Variants in FCHSD1 observed in about 807,000 individuals in gnomAD.
FCHSD1 encodes the protein F-BAR and double SH3 domains protein 1.
Under a neutral mutation model 101.3 loss-of-function variants are expected in FCHSD1, and 109 were observed. That is an observed-to-expected ratio of 1.08 (90% confidence interval 0.92 to 1.26). FCHSD1 has a LOEUF of 1.26. FCHSD1 is among the 50% of genes most tolerant of loss of function. FCHSD1 has a pLI of 0.00. For synonymous variants in FCHSD1, 291 were observed against 356.8 expected, an observed-to-expected ratio of 0.82 and a Z score of 2.08; for missense variants, 820 against 895.8, an observed-to-expected ratio of 0.92 and a Z score of 1.08.
chr5:141,646,394 A>C (rs2099907656), intron 11 of FCHSD1: 1 of 962,106 alleles, frequency 1.0e-6, no homozygotes, highest in East Asian at 2.6e-5. Flanking sequence ...GGGGCTACAG[A>C]ACTAGGAAGC....
chr5:141,651,299 C>A (rs1438384312), intron 1 of FCHSD1, 49 bp downstream of exon 1: 2 of 1,551,656 alleles, frequency 1.3e-6, no homozygotes, highest in South Asian at 2.4e-5. Flanking sequence ...CCCTTAGCTC[C>A]CTCCGTTCCC....
chr5:141,650,029 T>A, intron 3 of FCHSD1, 75 bp from the exon 4 acceptor site: 1 of 1,411,074 alleles, frequency 7.1e-7, no homozygotes, highest in South Asian at 1.4e-5. Context: ...GACATCAGAG[T>A]ATAATCATAC....
rs1211788738 is a variant in FCHSD1 at position 141,646,679 on chromosome 5, C to G, written c.968G>C (p.Ser323Thr). The change falls in exon 11 of 20, where the codon AGT becomes ACT. Residue 323 changes from serine (S) to threonine (T), a missense_variant. Ser to Thr is a moderately conservative substitution (Grantham distance 58, BLOSUM62 1). Coordinates refer to ENST00000435817, the MANE Select transcript of FCHSD1 (RefSeq NM_033449.3). The stretch of plus-strand genomic sequence containing the variant: ...GCGCTGAACCTCTTTCTCCAGGCCA[C>G]TCTTGCCAGCCACGCCTTCTGCTCC... Reference protein sequence around the residue: ...EWGAEGVAGKSGLEKEVQRLT... With the variant: ...EWGAEGVAGKTGLEKEVQRLT... 1.9e-6 allele frequency: 3 copies of G among 1,613,228 alleles called. No homozygotes were observed. The highest frequency in any genetic ancestry group is 1.3e-5 in the African/African-American group (1 of 74,902).
chr5:141,640,166 T>C lies in FCHSD1; in HGVS notation c.*1332A>G. ...TCAGGGACAGCAGCCTAACCCCTCGTGCACTTGAAGGGAACCCCAGAGCTT... is the reference window on the plus strand; with the variant it reads ...TCAGGGACAGCAGCCTAACCCCTCGCGCACTTGAAGGGAACCCCAGAGCTT... On this transcript the variant is annotated 3_prime_UTR_variant, in exon 20 of 20. Coordinates refer to ENST00000435817, the MANE Select transcript of FCHSD1 (RefSeq NM_033449.3). 1 of 1,614,100 alleles carries C rather than the reference T, an allele frequency of 6.2e-7. No individual in the cohort carries two copies. The highest frequency in any genetic ancestry group is 8.5e-7 in the Non-Finnish European group (1 of 1,179,974).
chr5:141,643,820 C>T lies in FCHSD1; in HGVS notation c.1863+398G>A, dbSNP rs536211348. ...CTGAGATCGCACCATTGCACTCCAGCCTGGGCAACAAGAGCGAAACTCTGT... is the reference window on the plus strand; with the variant it reads ...CTGAGATCGCACCATTGCACTCCAGTCTGGGCAACAAGAGCGAAACTCTGT... On this transcript the variant is annotated intron_variant, in intron 17 of 19. Coordinates refer to ENST00000435817, the MANE Select transcript of FCHSD1 (RefSeq NM_033449.3). Among the ~76,000 whole-genome samples, 3 of 151,286 alleles carry T rather than the reference C, an allele frequency of 2.0e-5. No individual in the cohort carries two copies. In the South Asian group the frequency reaches 6.2e-4, roughly 32 times the overall value.
At position 141,648,993 on chromosome 5, in the gene FCHSD1, G is replaced by A. The variant is rs780978587; in HGVS notation, c.540C>T (p.Phe180=). The change falls in exon 7 of 20, where the codon TTC becomes TTT. Residue 180 remains phenylalanine (F), a synonymous_variant. Transcript: ENST00000435817. ...ARLNRSDHGI[F]HSRTSLQKLS... is the part of the protein sequence containing the mutation. ...GTTTCTGGAGACTGGTCCGAGAGTGGAAGATCCCATGGTCACTTCGGTTTA... is the reference window on the plus strand; with the variant it reads ...GTTTCTGGAGACTGGTCCGAGAGTGAAAGATCCCATGGTCACTTCGGTTTA... 6 of 1,613,956 alleles carry A rather than the reference G, an allele frequency of 3.7e-6. No homozygotes were observed. Among genetic ancestry groups the A allele is most frequent in the Non-Finnish European group, 3.4e-6 (4 of 1,179,878 alleles).
chr5:141,645,686 T>C, intron 13 of FCHSD1, 85 bp downstream of exon 13: 9 of 1,447,932 alleles, frequency 6.2e-6, no homozygotes, highest in Non-Finnish European at 8.3e-6. Flanking sequence ...TAGGCACAAC[T>C]GTGATTCCAG....
In FCHSD1 at chr5:141,643,056, G is replaced by A. The variant is rs1259819347; in HGVS notation, c.1896C>T (p.Ser632=). 2.0e-6 allele frequency: 3 copies of A among 1,530,728 alleles called. No individual in the cohort carries two copies. The highest frequency in any genetic ancestry group is 1.4e-5 in the African/African-American group (1 of 70,706). The allele number at this position is 1,530,728 out of a possible 1,614,324, so 94.8% of individuals were successfully genotyped here. The change falls in exon 18 of 20, where the codon TCC becomes TCT. Residue 632 remains serine (S), a synonymous_variant. Transcript: ENST00000435817. The part of the protein sequence containing the change: ...MLPSPSPPSF[S]PPAPTSVLDG... ...CCAACACAGAGGTAGGTGCAGGTGG[G>A]GAGAAGCTGGGAGGAGAAGGGGACG...
chr5:141,649,449 G>C lies in FCHSD1; in HGVS notation c.321C>G (p.Tyr107Ter). 2.5e-6 allele frequency: 4 copies of C among 1,614,010 alleles called. No individual in the cohort carries two copies. Among genetic ancestry groups the C allele is most frequent in the Non-Finnish European group, 3.4e-6 (4 of 1,179,898 alleles). The part of the protein sequence containing the change: ...GQTRLQASDR[Y>*]RDLAGGTGRS... ...GCCCTGTACCCCCTGCTAGGTCACG[G>C]TATCGGTCAGACGCCTGGAGTCGGG... The change falls in exon 5 of 20, where the codon TAC becomes TAG. Residue 107 changes from tyrosine (Y) to a stop codon, truncating the protein, a stop_gained. Coordinates refer to ENST00000435817, the MANE Select transcript of FCHSD1 (RefSeq NM_033449.3). LOFTEE classifies it high-confidence loss of function. This position sits in a 1 kb window ranked among gnomAD's most constrained non-coding sequence, Gnocchi z 4.1.
chr5:141,647,895 G>A (rs3763121), intron 8 of FCHSD1, 73 bp downstream of exon 8: 352,691 of 1,560,066 alleles, frequency 0.23, 41,785 homozygotes, highest in Admixed American at 0.38. Flanking sequence ...CACTGTCATG[G>A]GGATCAAGAA....
At position 141,641,387 on chromosome 5, in the gene FCHSD1, A is replaced by G. The variant is rs2099906885; in HGVS notation, c.*111T>C. The stretch of plus-strand genomic sequence containing the variant: ...TCCACCCTTGGAGGTGAGGGTGGAA[A>G]TAAGGGCGATTCCAGCTTTTGGCTG... On this transcript the variant is annotated 3_prime_UTR_variant, in exon 20 of 20. Transcript: ENST00000435817. 1.9e-6 allele frequency: 2 copies of G among 1,043,088 alleles called. No individual in the cohort carries two copies. Among genetic ancestry groups the G allele is most frequent in the African/African-American group, 3.2e-5 (2 of 62,248 alleles). The allele number at this position is 1,043,088 out of a possible 1,614,324, so 64.6% of individuals were successfully genotyped here.
chr5:141,640,774 C>A lies in FCHSD1; in HGVS notation c.*724G>T. On this transcript the variant is annotated 3_prime_UTR_variant, in exon 20 of 20. Coordinates refer to ENST00000435817, the MANE Select transcript of FCHSD1 (RefSeq NM_033449.3). ...ACAGCACTGCCCCCCAGCTGAGGGACCAGCTCTACTTCCACCTGGAGTTGC... is the reference window on the plus strand; with the variant it reads ...ACAGCACTGCCCCCCAGCTGAGGGAACAGCTCTACTTCCACCTGGAGTTGC... The A allele has an allele frequency of 9.0e-7, 1 of 1,110,690 alleles. No individual in the cohort carries two copies. Among genetic ancestry groups the A allele is most frequent in the Non-Finnish European group, 1.3e-6 (1 of 787,772 alleles). The allele number at this position is 1,110,690 out of a possible 1,614,324, so 68.8% of individuals were successfully genotyped here.
Position 141,651,409 on chromosome 5 carries a change from T to A in FCHSD1, c.-41A>T, listed in dbSNP as rs2099908405. On this transcript the variant is annotated 5_prime_UTR_variant, in exon 1 of 20. Transcript: ENST00000435817. ...GCGGTCAGCCACTGGACTCCGGAAC[T>A]GGAGGAAGCCCCGCCCACTATGGAG... is the stretch of plus-strand genomic sequence containing the variant. 1 of 1,550,074 alleles carries A rather than the reference T, an allele frequency of 6.5e-7. No individual in the cohort carries two copies.
intron 10 of FCHSD1, 86 bp from the exon 11 acceptor site, chr5:141,646,808 C>A: frequency 6.6e-7 from 1 of 1,521,114 alleles, no homozygotes; most frequent in East Asian, 2.4e-5. Context: ...ATCTTGACCT[C>A]CAAGGACAAG....
At chr5:141,645,269 A>C in intron 13 of FCHSD1, 121 bp from the exon 14 acceptor site, 1 of 1,379,102 alleles carries the variant, frequency 7.3e-7, no homozygotes, top group Non-Finnish European at 9.8e-7. Flanking sequence ...GCACCCATCC[A>C]CTCACCATGT....
rs199688158 is a variant in FCHSD1, at chr5:141,649,611, T to C, written c.234-75A>G. ...GAGACCACCCCCACCCCCTGCCCCC[T>C]GACCAACACCATGGGAGACAGAGTG... On this transcript the variant is annotated intron_variant, in intron 4 of 19. Transcript: ENST00000435817. The surrounding 1 kb of genome is among the most constrained non-coding windows in gnomAD (Gnocchi z 4.1). 4.2e-5 allele frequency: 48 copies of C among 1,148,702 alleles called. No homozygotes were observed. Among genetic ancestry groups the C allele is most frequent in the East Asian group, 1.3e-4 (4 of 29,910 alleles). 71.2% of individuals were successfully genotyped at this position (1,148,702 alleles called of 1,614,324 possible).
rs748927477 is a variant in FCHSD1, at chr5:141,645,166, A to T, written c.1312-18T>A. ...TCCTCAGCCTAGAGGGGCAAAGAACAGACCTCATATGGGGCCCACTCTCAA... is the reference window on the plus strand; with the variant it reads ...TCCTCAGCCTAGAGGGGCAAAGAACTGACCTCATATGGGGCCCACTCTCAA... On this transcript the variant is annotated intron_variant, in intron 13 of 19. Coordinates refer to ENST00000435817, the MANE Select transcript of FCHSD1 (RefSeq NM_033449.3). 1 of 1,526,262 alleles carries T rather than the reference A, an allele frequency of 6.6e-7. No individual in the cohort carries two copies. Among genetic ancestry groups the T allele is most frequent in the South Asian group, 1.3e-5 (1 of 76,266 alleles). The allele number at this position is 1,526,262 out of a possible 1,614,324, so 94.5% of individuals were successfully genotyped here. A position where few individuals can be genotyped will look rare whatever the true frequency, so the allele number is the denominator to read the frequency against.
chr5:141,642,011 A>G (rs1204218852), intron 18 of FCHSD1: 11 of 576,756 alleles, frequency 1.9e-5, no homozygotes, highest in Non-Finnish European at 2.8e-5. Context: ...TCAAGAAACC[A>G]ATAATGAAAC....
intron 9 of FCHSD1, 76 bp from the exon 10 acceptor site, chr5:141,647,306 A>G: frequency 2.6e-6 from 4 of 1,561,618 alleles, no homozygotes; most frequent in Admixed American, 1.9e-5. Flanking sequence ...TTCTTGGAAG[A>G]AAAAGGACAA....
Sources: allele counts gnomAD v4.1 joint callset (sites outside exome capture counted in the v4.1 genomes callset), GRCh38; gene constraint gnomAD v4.1.1; non-coding constraint Gnocchi (gnomAD v3.1); transcripts MANE v1.5; gene names NCBI Gene and HGNC (gene_info 2026-07-23, HGNC 2026-07-21).